Variants in ICA1 observed in about 807,000 individuals in gnomAD.
ICA1 encodes the protein 69 kDa islet cell autoantigen.
Under a neutral mutation model 71.0 loss-of-function variants are expected in ICA1, and 40 were observed. The observed-to-expected ratio is 0.56, with a 90% CI of 0.44 to 0.73. ICA1 has a LOEUF of 0.73. ICA1 is among the 30% of genes least tolerant of loss of function. The probability of loss-of-function intolerance (pLI) is 0.00; values close to 1 mark genes in which losing one functional copy is unlikely to be tolerated. For missense variants in ICA1, 578 were observed against 576.5 expected (o/e 1.00, Z -0.03); for synonymous variants, 207 against 209.5 (o/e 0.99, Z 0.10).
At chr7:8,125,450 G>A (rs754532449) in intron 13 of ICA1, among the ~76,000 whole-genome samples, 1 of 152,132 alleles carries the variant, frequency 6.6e-6, no homozygotes, top group Non-Finnish European at 1.5e-5. Context: ...CTCACCTCCT[G>A]CAAGTCTCTG....
chr7:8,159,613 T>C lies in ICA1; in HGVS notation c.580-961A>G, dbSNP rs1188895092. 6.6e-5 allele frequency among the ~76,000 whole-genome samples: 10 copies of C among 152,160 alleles called. No individual in the cohort carries two copies. The East Asian group carries it at 1.9e-3, about 29-fold the overall frequency. On this transcript the variant is annotated intron_variant, in intron 6 of 13. Transcript: ENST00000402384. ...TACTGGGGAGGCTAAGGTGGGAGGA[T>C]CACTTGAGCGTGGGAGGTGGAGGTT...
At chr7:8,195,513 G>A (rs1015257052) in intron 6 of ICA1, among the ~76,000 whole-genome samples, 1 of 152,088 alleles carries the variant, frequency 6.6e-6, no homozygotes, top group Admixed American at 6.5e-5. Flanking sequence ...CTGCATTCCA[G>A]TCTGGGCAAC....
At chr7:8,195,023 C>T (rs377241205) in intron 6 of ICA1, among the ~76,000 whole-genome samples, 1 of 151,954 alleles carries the variant, frequency 6.6e-6, no homozygotes, top group South Asian at 2.1e-4. Context: ...CTTTAAAATT[C>T]AACAATAAGA....
Position 8,170,674 on chromosome 7 carries a change from T to C in ICA1, c.580-12022A>G, listed in dbSNP as rs1210599966. On this transcript the variant is annotated intron_variant, in intron 6 of 13. Transcript: ENST00000402384. ...TAACTTCAGCTTGTATACTGTGACC[T>C]TGCAAAATTCAACGATTAGCTTTAA... is the stretch of plus-strand genomic sequence containing the variant. Among the ~76,000 whole-genome samples, 3 of 152,040 alleles carry C rather than the reference T, an allele frequency of 2.0e-5. No individual in the cohort carries two copies. In the East Asian group the frequency reaches 5.8e-4, roughly 29 times the overall value.
At chr7:8,217,026 T>C (rs1192370868) in intron 6 of ICA1, among the ~76,000 whole-genome samples, 1 of 152,248 alleles carries the variant, frequency 6.6e-6, no homozygotes, top group Non-Finnish European at 1.5e-5. Flanking sequence ...ACTTCAAAAG[T>C]AGCCTGGGCT....
At chr7:8,243,969 T>C (rs7781938) in intron 1 of ICA1, among the ~76,000 whole-genome samples, 58,552 of 151,936 alleles carry the variant, frequency 0.39, 12,056 homozygotes, top group African/African-American at 0.52. Flanking sequence ...GAAGAATCAA[T>C]ATTGTGAAAA....
At chr7:8,212,901 G>A (rs538372787) in intron 6 of ICA1, among the ~76,000 whole-genome samples, 2 of 152,324 alleles carry the variant, frequency 1.3e-5, no homozygotes, top group South Asian at 4.1e-4. Context: ...TAAAGATGAG[G>A]CTTTCATCCA....
At chr7:8,137,811 A>G (rs1330786482) in intron 12 of ICA1, among the ~76,000 whole-genome samples, 3 of 152,230 alleles carry the variant, frequency 2.0e-5, no homozygotes, top group African/African-American at 7.2e-5. Flanking sequence ...GTGCCTTTCT[A>G]CTTTTGACAA....
In ICA1 at chr7:8,223,312, A is replaced by G. The variant is rs980721389; in HGVS notation, c.257-1914T>C. ...TTAGCTTAAGGCTAGGAAGAAACCA[A>G]TTTGTGGTACCTGAATAATTACATG... is the stretch of plus-strand genomic sequence containing the variant. On this transcript the variant is annotated intron_variant, in intron 4 of 13. Coordinates refer to ENST00000402384, the MANE Select transcript of ICA1 (RefSeq NM_001136020.3). This position sits in a 1 kb window ranked among gnomAD's most constrained non-coding sequence, Gnocchi z 4.1. Among the ~76,000 whole-genome samples the G allele has an allele frequency of 2.6e-5, 4 of 152,206 alleles. No individual in the cohort carries two copies. The highest frequency in any genetic ancestry group is 6.5e-5 in the Admixed American group (1 of 15,282).
intron 6 of ICA1, among the ~76,000 whole-genome samples, chr7:8,202,288 A>G (rs924461753): frequency 1.3e-5 from 2 of 152,162 alleles, no homozygotes; most frequent in Admixed American, 1.3e-4. Flanking sequence ...TGGCCCTGAC[A>G]TGTTCTGACT....
In ICA1 at chr7:8,144,968, A is replaced by G. The variant is rs542168036; in HGVS notation, c.805-996T>C. ...AATTCTGATTGATTAGTACTGGCTG[A>G]CTGGAGGGCCAGTGAAGATGGTTCT... is the stretch of plus-strand genomic sequence containing the variant. On this transcript the variant is annotated intron_variant, in intron 8 of 13. Transcript: ENST00000402384. This position sits in a 1 kb window ranked among gnomAD's most constrained non-coding sequence, Gnocchi z 4.5. Among the ~76,000 whole-genome samples the G allele has an allele frequency of 3.3e-5, 5 of 152,142 alleles. No homozygotes were observed. The South Asian group carries it at 1.0e-3, about 32-fold the overall frequency.
chr7:8,145,050 C>G (rs1796420972), intron 8 of ICA1, among the ~76,000 whole-genome samples: 1 of 152,160 alleles, frequency 6.6e-6, no homozygotes, highest in Non-Finnish European at 1.5e-5. Context: ...GCCATGGACA[C>G]CAGATGGATA....
rs529930067 is a variant in ICA1 at position 8,115,364 on chromosome 7, G to C, written c.1331-1320C>G. Among the ~76,000 whole-genome samples, 3 of 152,174 alleles carry C rather than the reference G, an allele frequency of 2.0e-5. No individual in the cohort carries two copies. The South Asian group carries it at 6.2e-4, about 32-fold the overall frequency. ...CTTAGTTGGAGGGGGAGTGGGCAGGGTATTGCCTAAAAAAAGGCAATACTG... is the reference window on the plus strand; with the variant it reads ...CTTAGTTGGAGGGGGAGTGGGCAGGCTATTGCCTAAAAAAAGGCAATACTG... On this transcript the variant is annotated intron_variant, in intron 13 of 13. Transcript: ENST00000402384.
chr7:8,261,752 G>T (rs1285139199), intron 1 of ICA1, among the ~76,000 whole-genome samples: 1 of 151,790 alleles, frequency 6.6e-6, no homozygotes, highest in African/African-American at 2.4e-5. Context: ...CGCGCGGTGG[G>T]TGGGTGGGGT....
At chr7:8,168,481 A>G (rs1490647926) in intron 6 of ICA1, among the ~76,000 whole-genome samples, 6 of 152,152 alleles carry the variant, frequency 3.9e-5, no homozygotes, top group Non-Finnish European at 7.4e-5. Flanking sequence ...TCTTTAAACC[A>G]TGGGACACAG....
In ICA1 at chr7:8,227,645, C is replaced by T. The variant is rs561712282; in HGVS notation, c.256+956G>A. ...TTTTCTAAGAGATCTCACCTTCTGTCGCCCAGGCTGGAGCACAACGGCTCA... is the reference window on the plus strand; with the variant it reads ...TTTTCTAAGAGATCTCACCTTCTGTTGCCCAGGCTGGAGCACAACGGCTCA... On this transcript the variant is annotated intron_variant, in intron 4 of 13. Transcript: ENST00000402384. 224 of 376,492 alleles carry T rather than the reference C, an allele frequency of 5.9e-4. 1 individual carries two copies. The highest frequency in any genetic ancestry group is 4.2e-3 in the African/African-American group (185 of 44,016). 23.3% of individuals were successfully genotyped at this position (376,492 alleles called of 1,614,324 possible). A position where few individuals can be genotyped will look rare whatever the true frequency, so the allele number is the denominator to read the frequency against.
intron 6 of ICA1, among the ~76,000 whole-genome samples, chr7:8,178,026 G>A (rs1209552963): frequency 6.6e-6 from 1 of 152,172 alleles, no homozygotes; most frequent in Non-Finnish European, 1.5e-5. Flanking sequence ...TCTGGCCCTG[G>A]CCCACTTCTC....
chr7:8,158,007 A>G (rs1482430131), intron 7 of ICA1, among the ~76,000 whole-genome samples: 1 of 151,998 alleles, frequency 6.6e-6, no homozygotes, highest in Admixed American at 6.6e-5. Context: ...TAACTGTTAT[A>G]TTTCCTACAA....
At chr7:8,245,441 G>C (rs188987652) in intron 1 of ICA1, among the ~76,000 whole-genome samples, 161 of 151,768 alleles carry the variant, frequency 1.1e-3, no homozygotes, top group African/African-American at 3.7e-3. Context: ...GATGGCATTT[G>C]GAGAAATACC....
Sources: allele counts gnomAD v4.1 joint callset (sites outside exome capture counted in the v4.1 genomes callset), GRCh38; gene constraint gnomAD v4.1.1; non-coding constraint Gnocchi (gnomAD v3.1); transcripts MANE v1.5; gene names NCBI Gene and HGNC (gene_info 2026-07-23, HGNC 2026-07-21).